NRCAM: variants seen among roughly 807,000 people sequenced by gnomAD.
The protein encoded by NRCAM is neuronal cell adhesion molecule, also known as NgCAM-related cell adhesion molecule.
NRCAM carries 83 observed loss-of-function variants against 156.5 expected under a neutral mutation model. The ratio of observed to expected loss-of-function variants is 0.53; its 90% confidence interval spans 0.44 to 0.64. The LOEUF (loss-of-function observed/expected upper bound fraction) is 0.64. NRCAM is among the 30% of genes least tolerant of loss of function. NRCAM has a pLI of 0.00. For synonymous variants in NRCAM, 538 were observed against 563.9 expected (o/e 0.95, Z 0.65); for missense variants, 1,417 against 1,597.3 (o/e 0.89, Z 1.92).
chr7:108,219,196 G>A (rs1172706260), intron 11 of NRCAM, among the ~76,000 whole-genome samples: 1 of 151,926 alleles, frequency 6.6e-6, no homozygotes, highest in Non-Finnish European at 1.5e-5. Flanking sequence ...ATAATAAGCA[G>A]CAAGATCAAA....
chr7:108,230,741 G>C (rs1366236244), intron 8 of NRCAM, among the ~76,000 whole-genome samples: 1 of 149,694 alleles, frequency 6.7e-6, no homozygotes, highest in Admixed American at 6.7e-5. Context: ...TTTTTTCATA[G>C]AACTTATTGC....
At chr7:108,349,834 T>C (rs2099398845) in intron 2 of NRCAM, among the ~76,000 whole-genome samples, 1 of 152,210 alleles carries the variant, frequency 6.6e-6, no homozygotes, top group Non-Finnish European at 1.5e-5. Flanking sequence ...ATAGCGATCA[T>C]TTAAAACAGA....
intron 3 of NRCAM, among the ~76,000 whole-genome samples, chr7:108,256,976 T>A (rs1590355262): frequency 1.6e-5 from 2 of 126,768 alleles, no homozygotes; most frequent in South Asian, 4.8e-4. Context: ...GCCACTGAAC[T>A]CCAGCCTGGG....
chr7:108,199,062 G>A (rs1456105338), intron 13 of NRCAM, among the ~76,000 whole-genome samples: 3 of 152,172 alleles, frequency 2.0e-5, no homozygotes, highest in Admixed American at 6.5e-5. Context: ...GTCTCAGCAC[G>A]ATGATCAAAA....
At chr7:108,329,155 CCA>C (rs1459119460) in intron 2 of NRCAM, among the ~76,000 whole-genome samples, 8 of 152,016 alleles carry the variant, frequency 5.3e-5, no homozygotes, top group Non-Finnish European at 1.2e-4. Flanking sequence ...TCTCTAGTAC[CCA>C]CAGTCATGAG....
chr7:108,204,123 G>A (rs1403320965), intron 13 of NRCAM, among the ~76,000 whole-genome samples: 1 of 152,182 alleles, frequency 6.6e-6, no homozygotes, highest in African/African-American at 2.4e-5. Flanking sequence ...AACCCTCAAA[G>A]GCAATTCCCT....
rs574318822 is a variant in NRCAM at position 108,148,689 on chromosome 7, C to T, written c.*1221G>A. On this transcript the variant is annotated 3_prime_UTR_variant, in exon 33 of 33. Transcript: ENST00000379028. ...AATGCTGCAGAGTTTTGAACACTTA[C>T]ATAGGTAAAGTCTTGGAGAATAATA... 6.6e-6 allele frequency: 1 copy of T among 152,600 alleles called. No homozygotes were observed. Among genetic ancestry groups the T allele is most frequent in the Non-Finnish European group, 1.5e-5 (1 of 68,022 alleles). The allele number at this position is 152,600 out of a possible 1,614,324, so 9.5% of individuals were successfully genotyped here.
Position 108,184,623 on chromosome 7 carries a change from G to GAC in NRCAM, c.2036-11_2036-10dup, listed in dbSNP as rs371334084. 19 of 1,608,296 alleles carry GAC rather than the reference G, an allele frequency of 1.2e-5. No homozygotes were observed. Among genetic ancestry groups the GAC allele is most frequent in the Middle Eastern group, 2.1e-4 (1 of 4,796 alleles). ...ATATTCGATGATGAATTCTGGTCAC[G>GAC]ACACACACACACCAAACCCAAGACC... On this transcript the variant is annotated splice_polypyrimidine_tract_variant and intron_variant, in intron 20 of 32. Transcript: ENST00000379028.
chr7:108,455,788 C>T (rs1328773810), intron 1 of NRCAM, among the ~76,000 whole-genome samples: 1 of 152,150 alleles, frequency 6.6e-6, no homozygotes, highest in East Asian at 1.9e-4. Flanking sequence ...CCTCGCCCCG[C>T]CGGCACTGTG....
intron 2 of NRCAM, among the ~76,000 whole-genome samples, chr7:108,322,676 T>C (rs1020735169): frequency 1.3e-5 from 2 of 152,118 alleles, no homozygotes; most frequent in African/African-American, 4.8e-5. Flanking sequence ...CTAATGTTGA[T>C]CAATATCAAA....
chr7:108,188,095 G>A (rs936350391), intron 20 of NRCAM, among the ~76,000 whole-genome samples: 53 of 152,174 alleles, frequency 3.5e-4, no homozygotes, highest in Admixed American at 7.9e-4. Flanking sequence ...GTGGGGGAGG[G>A]AAGGAGGAGT....
At chr7:108,199,140 T>C (rs1371266940) in intron 13 of NRCAM, among the ~76,000 whole-genome samples, 1 of 152,236 alleles carries the variant, frequency 6.6e-6, no homozygotes, top group Non-Finnish European at 1.5e-5. Context: ...AAGAAGACTT[T>C]ATGTTCTTTC....
intron 7 of NRCAM, 96 bp from the exon 8 acceptor site, chr7:108,231,249 TA>T: frequency 1.3e-6 from 1 of 792,258 alleles, no homozygotes; most frequent in Non-Finnish European, 1.9e-6. Context: ...TTTGGAGAAA[TA>T]ATTTGTAATT....
intron 3 of NRCAM, among the ~76,000 whole-genome samples, chr7:108,290,440 T>C (rs747659034): frequency 6.6e-6 from 1 of 152,148 alleles, no homozygotes; most frequent in African/African-American, 2.4e-5. Context: ...ACCATTCTTA[T>C]CTGACACAAA....
In NRCAM at chr7:108,322,422, T is replaced by C. The variant is rs967552467; in HGVS notation, c.-173-9691A>G. Among the ~76,000 whole-genome samples, 79 of 152,204 alleles carry C rather than the reference T, an allele frequency of 5.2e-4. 1 individual carries two copies. The highest frequency in any genetic ancestry group is 2.5e-4 in the Non-Finnish European group (17 of 68,030). On this transcript the variant is annotated intron_variant, in intron 2 of 32. Transcript: ENST00000379028. ...ACTCTGATGTAGCTTCTGTGATGTT[T>C]ATCCCACGTTCCCTATTGGTTGGGA... is the stretch of plus-strand genomic sequence containing the variant.
intron 2 of NRCAM, among the ~76,000 whole-genome samples, chr7:108,388,081 C>T (rs1018829724): frequency 7.2e-5 from 11 of 152,156 alleles, no homozygotes; most frequent in Middle Eastern, 6.8e-3. Flanking sequence ...CCCAGTAATG[C>T]GATGGCTGGG....
At chr7:108,234,930 A>C (rs1334932360) in intron 5 of NRCAM, 1 of 638,540 alleles carries the variant, frequency 1.6e-6, no homozygotes, top group Non-Finnish European at 2.9e-6. Flanking sequence ...ATTTTCTCAC[A>C]CTAAAAGTTT....
intron 13 of NRCAM, among the ~76,000 whole-genome samples, chr7:108,200,288 T>C (rs1372559567): frequency 6.6e-6 from 1 of 152,214 alleles, no homozygotes; most frequent in East Asian, 1.9e-4. Context: ...CAACAGGGTA[T>C]ATAGATTCGT....
At chr7:108,201,878 T>C (rs1462402419) in intron 13 of NRCAM, among the ~76,000 whole-genome samples, 1 of 152,188 alleles carries the variant, frequency 6.6e-6, no homozygotes, top group African/African-American at 2.4e-5. Context: ...TAACAATGAG[T>C]AAGCAGACCT....
Sources: allele counts gnomAD v4.1 joint callset (sites outside exome capture counted in the v4.1 genomes callset), GRCh38; gene constraint gnomAD v4.1.1; transcripts MANE v1.5; gene names NCBI Gene and HGNC (gene_info 2026-07-23, HGNC 2026-07-21).